TMEM150B: variants seen among roughly 807,000 people sequenced by gnomAD.
The protein encoded by TMEM150B is transmembrane protein 150B.
Under a neutral mutation model 25.2 loss-of-function variants are expected in TMEM150B, and 33 were observed. That is an observed-to-expected ratio of 1.31 (90% CI 0.99 to 1.75). The LOEUF (loss-of-function observed/expected upper bound fraction) is 1.75, where lower values mean the gene tolerates loss of function less well. TMEM150B is among the 40% of genes most tolerant of loss of function. TMEM150B has a pLI of 0.00. For synonymous variants in TMEM150B, 133 were observed against 134.8 expected (o/e 0.99, Z 0.09); for missense variants, 322 against 306.1 (o/e 1.05, Z -0.39).
At chr19:55,312,751 C>A, downstream of TMEM150B, 1 of 1,247,400 alleles carries the variant, frequency 8.0e-7, no homozygotes, top group Non-Finnish European at 1.1e-6. Flanking sequence ...GCAGCCCCAG[C>A]TGGTTGGAGA....
At chr19:55,312,287 AATTT>A (rs1012786247), downstream of TMEM150B, 14 of 328,788 alleles carry the variant, frequency 4.3e-5, no homozygotes, top group Non-Finnish European at 4.9e-5. Flanking sequence ...TTTATTGATT[AATTT>A]ATTATTTTAT....
Position 55,322,652 on chromosome 19 carries a change from C to A in TMEM150B, c.-62G>T. On this transcript the variant is annotated 5_prime_UTR_variant, in exon 2 of 8. Transcript: ENST00000326652. ...GGGCCTCCCCAGGATGCTCACCTCTCCAAGCTTCCTGGGGCTCTCAGTCCT... is the reference window on the plus strand; with the variant it reads ...GGGCCTCCCCAGGATGCTCACCTCTACAAGCTTCCTGGGGCTCTCAGTCCT... The A allele has an allele frequency of 2.0e-6, 2 of 985,352 alleles. No homozygotes were observed. Among genetic ancestry groups the A allele is most frequent in the Non-Finnish European group, 2.4e-6 (2 of 829,926 alleles). The allele number at this position is 985,352 out of a possible 1,614,324, so 61.0% of individuals were successfully genotyped here.
chr19:55,316,553 C>T (rs929800702), intron 7 of TMEM150B, among the ~76,000 whole-genome samples: 5 of 151,988 alleles, frequency 3.3e-5, no homozygotes, highest in Admixed American at 2.0e-4. Context: ...CCATTGACAC[C>T]GAGAAGTAAC....
chr19:55,322,420 G>C (rs1240228737), intron 2 of TMEM150B, among the ~76,000 whole-genome samples: 1 of 152,092 alleles, frequency 6.6e-6, no homozygotes, highest in Non-Finnish European at 1.5e-5. Context: ...GGAGGGCCCA[G>C]GTGCATGAGA....
intron 1 of TMEM150B, 122 bp from the exon 2 acceptor site, chr19:55,322,865 C>G: frequency 3.2e-6 from 1 of 309,086 alleles, no homozygotes; most frequent in Non-Finnish European, 4.7e-6. Context: ...CAGGCAGCAC[C>G]GTAGCTTTGG....
chr19:55,321,223 G>C, intron 2 of TMEM150B, 130 bp from the exon 3 acceptor site: 1 of 1,290,044 alleles, frequency 7.8e-7, no homozygotes, highest in South Asian at 1.6e-5. Flanking sequence ...CCATTTCCAG[G>C]CAATTTCCCC....
intron 3 of TMEM150B, among the ~76,000 whole-genome samples, 171 bp downstream of exon 3, chr19:55,320,798 C>G (rs1216024352): frequency 1.4e-5 from 2 of 147,488 alleles, no homozygotes; most frequent in Non-Finnish European, 3.0e-5. Context: ...ACCCAGGAGT[C>G]CAGACCCCCA....
downstream of TMEM150B, among the ~76,000 whole-genome samples, chr19:55,311,597 C>A (rs1458088890): frequency 6.6e-6 from 1 of 152,216 alleles, no homozygotes; most frequent in Non-Finnish European, 1.5e-5. Context: ...CGAACAGTAT[C>A]ATAACCAGAA....
chr19:55,311,115 C>T (rs2088782716), downstream of TMEM150B, among the ~76,000 whole-genome samples: 1 of 152,062 alleles, frequency 6.6e-6, no homozygotes, highest in Non-Finnish European at 1.5e-5. Flanking sequence ...GTGCGTGCCA[C>T]CACACCCGGC....
At chr19:55,324,057 C>T (rs1414258019) in intron 1 of TMEM150B, among the ~76,000 whole-genome samples, 2 of 151,984 alleles carry the variant, frequency 1.3e-5, no homozygotes, top group Non-Finnish European at 2.9e-5. Flanking sequence ...ATCCCCCTGC[C>T]TCAGCCTCCC....
chr19:55,320,526 C>A, intron 4 of TMEM150B, 32 bp downstream of exon 4: 3 of 1,612,572 alleles, frequency 1.9e-6, no homozygotes, highest in Non-Finnish European at 2.5e-6. Context: ...CAGCGGCGAT[C>A]CCCCCAAATC....
At chr19:55,325,220 A>G in intron 1 of TMEM150B, 52 bp downstream of exon 1, 3 of 956,902 alleles carry the variant, frequency 3.1e-6, no homozygotes, top group Non-Finnish European at 3.7e-6. Context: ...GACAGGGGAC[A>G]GGGCTCCAGC....
In TMEM150B at chr19:55,316,817, G is replaced by C. The variant is rs2123073851; in HGVS notation, c.474C>G (p.Leu158=). 6.4e-7 allele frequency: 1 copy of C among 1,568,218 alleles called. No homozygotes were observed. Among genetic ancestry groups the C allele is most frequent in the Non-Finnish European group, 8.6e-7 (1 of 1,163,940 alleles). The part of the protein sequence containing the change: ...AAWIGPLRLG[L]CSVCTILIVA... ...CAATGAGGATGGTGCAGACGCTGCA[G>C]AGGCCCAGGCGGAGGGGCCCAATCC... is the stretch of plus-strand genomic sequence containing the variant. The change falls in exon 7 of 8, where the codon CTC becomes CTG. Residue 158 remains leucine (L), a synonymous_variant. Coordinates refer to ENST00000326652, the MANE Select transcript of TMEM150B (RefSeq NM_001282011.2).
chr19:55,322,316 G>C (rs935177908), intron 2 of TMEM150B, among the ~76,000 whole-genome samples: 1 of 152,114 alleles, frequency 6.6e-6, no homozygotes, highest in African/African-American at 2.4e-5. Flanking sequence ...CACATGCTGG[G>C]CTCTGCAGGA....
downstream of TMEM150B, among the ~76,000 whole-genome samples, chr19:55,309,843 C>CG (rs1205413500): frequency 1.3e-5 from 2 of 152,180 alleles, no homozygotes; most frequent in Non-Finnish European, 2.9e-5. Flanking sequence ...TCCTGAGACA[C>CG]GGGGTCACAG....
At position 55,313,000 on chromosome 19, in the gene TMEM150B, G is replaced by A. The variant is rs762728862; in HGVS notation, c.561C>T (p.Val187=). 8.7e-6 allele frequency: 14 copies of A among 1,613,518 alleles called. No homozygotes were observed. Among genetic ancestry groups the A allele is most frequent in the Middle Eastern group, 1.7e-4 (1 of 5,950 alleles). Reference sequence around the variant, plus strand: ...AGAGCGCGAACAGCAGCATGGCCACGACCCACTCGCAGGCCGCAGAGACGC... The same window carrying A: ...AGAGCGCGAACAGCAGCATGGCCACAACCCACTCGCAGGCCGCAGAGACGC... ...LRSVSAACEW[V]VAMLLFALFG... Residue 187 remains valine, a synonymous_variant, in exon 8 of 8, where the codon GTC becomes GTT. Coordinates refer to ENST00000326652, the MANE Select transcript of TMEM150B (RefSeq NM_001282011.2).
At chr19:55,319,934 C>A (rs757927601) in intron 6 of TMEM150B, 105 bp downstream of exon 6, 5 of 1,547,536 alleles carry the variant, frequency 3.2e-6, no homozygotes, top group Admixed American at 2.0e-5. Flanking sequence ...GAGGGCCGGG[C>A]GGGAACCAGC....
In TMEM150B at chr19:55,323,802, C is replaced by CTTT. The variant is rs367630607; in HGVS notation, c.-153-1062_-153-1060dup. 2.0e-3 allele frequency among the ~76,000 whole-genome samples: 198 copies of CTTT among 100,874 alleles called. 4 individuals carry two copies. Among genetic ancestry groups the CTTT allele is most frequent in the African/African-American group, 7.0e-3 (170 of 24,190 alleles). The allele number at this position is 100,874 out of a possible 152,430, so 66.2% of individuals were successfully genotyped here. ...ACAGGCGTGAGACACTGCGCCCAACCTTTTTTTTTTTTTTTTTTTTCTGAA... is the reference window on the plus strand; with the variant it reads ...ACAGGCGTGAGACACTGCGCCCAACCTTTTTTTTTTTTTTTTTTTTTTTCTGAA... On this transcript the variant is annotated intron_variant, in intron 1 of 7. Coordinates refer to ENST00000326652, the MANE Select transcript of TMEM150B (RefSeq NM_001282011.2).
chr19:55,325,235 C>G (rs927854964), intron 1 of TMEM150B, 37 bp downstream of exon 1: 1 of 980,508 alleles, frequency 1.0e-6, no homozygotes, highest in African/African-American at 1.7e-5. Context: ...TCCAGCCTGC[C>G]GAGCTACTTT....
Sources: allele counts gnomAD v4.1 joint callset (sites outside exome capture counted in the v4.1 genomes callset), GRCh38; gene constraint gnomAD v4.1.1; transcripts MANE v1.5; gene names NCBI Gene and HGNC (gene_info 2026-07-23, HGNC 2026-07-21).